The following GABRA4 variants were observed in gnomAD, a reference collection of about 807,000 sequenced individuals.
GABRA4 encodes the protein gamma-aminobutyric acid type A receptor subunit alpha4, also known as gamma-aminobutyric acid receptor subunit alpha-4.
In GABRA4, 12 loss-of-function variants were observed where a neutral mutation model predicts 49.7. The observed-to-expected ratio is 0.24, with a 90% CI of 0.15 to 0.39. The LOEUF (loss-of-function observed/expected upper bound fraction) is 0.39. GABRA4 is among the 10% of genes least tolerant of loss of function. The pLI is 1.00. For synonymous variants in GABRA4, 288 were observed against 240.2 expected (o/e 1.20, Z -1.84); for missense variants, 506 against 686.0 (o/e 0.74, Z 2.93).
Position 46,928,552 on chromosome 4 carries a change from A to G in GABRA4, c.1338T>C (p.Ser446=), listed in dbSNP as rs1336881455. The change falls in exon 9 of 9, where the codon TCT becomes TCC. Residue 446 remains serine (S), a synonymous_variant. Coordinates refer to ENST00000264318, the MANE Select transcript of GABRA4 (RefSeq NM_000809.4). ...AAGCAGATGGAAGTGCTCTTGCTGCAGATATGGTTTCAGCTGCATTTGCAC... is the reference window on the plus strand; with the variant it reads ...AAGCAGATGGAAGTGCTCTTGCTGCGGATATGGTTTCAGCTGCATTTGCAC... ...FSRANAAETI[S]AARALPSASP... is the part of the protein sequence containing the mutation. 1 of 1,613,732 alleles carries G rather than the reference A, an allele frequency of 6.2e-7. No homozygotes were observed.
intron 8 of GABRA4, among the ~76,000 whole-genome samples, chr4:46,943,959 A>G (rs1560466495): frequency 6.6e-6 from 1 of 152,042 alleles, no homozygotes; most frequent in Admixed American, 6.6e-5. Context: ...AGAATGGTGG[A>G]TACCAGTGGT....
Position 46,933,759 on chromosome 4 carries a change from T to C in GABRA4, c.1135-5004A>G, listed in dbSNP as rs116310784. On this transcript the variant is annotated intron_variant, in intron 8 of 8. Coordinates refer to ENST00000264318, the MANE Select transcript of GABRA4 (RefSeq NM_000809.4). ...TGTAGAGACTTCAGTGGTTCTATCA[T>C]GATTTAGCTGATGCACAGTGGTTTC... 1.8e-3 allele frequency among the ~76,000 whole-genome samples: 268 copies of C among 152,294 alleles called. 3 individuals are homozygous for C. Among genetic ancestry groups the C allele is most frequent in the African/African-American group, 6.1e-3 (255 of 41,562 alleles).
rs2109931294 is a variant in GABRA4, at chr4:46,925,606, A to C, written c.*2619T>G. On this transcript the variant is annotated 3_prime_UTR_variant, in exon 9 of 9. Coordinates refer to ENST00000264318, the MANE Select transcript of GABRA4 (RefSeq NM_000809.4). ...GGAAAAGTGACTGGCTCTTTGCAAA[A>C]GTGTTTTTACTTGATGTACCTCTGG... 6.6e-6 allele frequency: 1 copy of C among 151,684 alleles called. No individual in the cohort carries two copies. The highest frequency in any genetic ancestry group is 2.4e-5 in the African/African-American group (1 of 41,460). The allele number at this position is 151,684 out of a possible 1,614,324, so 9.4% of individuals were successfully genotyped here. A position where few individuals can be genotyped will look rare whatever the true frequency, so the allele number is the denominator to read the frequency against.
In GABRA4 at chr4:46,992,955, G is replaced by T. The variant is rs571248859; in HGVS notation, c.87-9C>A. 2 of 1,301,042 alleles carry T rather than the reference G, an allele frequency of 1.5e-6. No homozygotes were observed. Among genetic ancestry groups the T allele is most frequent in the Non-Finnish European group, 2.2e-6 (2 of 924,974 alleles). The allele number at this position is 1,301,042 out of a possible 1,614,324, so 80.6% of individuals were successfully genotyped here. A position where few individuals can be genotyped will look rare whatever the true frequency, so the allele number is the denominator to read the frequency against. On this transcript the variant is annotated splice_polypyrimidine_tract_variant and intron_variant, in intron 1 of 8. Transcript: ENST00000264318. ...CTGGGGATTCGTTTAAACTGCAAGC[G>T]AAAAAAAAAAAACCGGGGGCGGAGG...
intron 8 of GABRA4, among the ~76,000 whole-genome samples, chr4:46,959,631 TG>T (rs374659224): frequency 7.3e-5 from 11 of 151,674 alleles, no homozygotes; most frequent in African/African-American, 2.7e-4. Context: ...AGGGAGCCCA[TG>T]GAAGATTATC....
At chr4:46,975,875 G>A (rs1723124784) in intron 5 of GABRA4, among the ~76,000 whole-genome samples, 1 of 151,838 alleles carries the variant, frequency 6.6e-6, no homozygotes, top group Non-Finnish European at 1.5e-5. Flanking sequence ...TTAAATTATT[G>A]GTAAGAGAAC....
chr4:46,980,557 G>A (rs891172695), intron 2 of GABRA4, among the ~76,000 whole-genome samples: 16 of 152,054 alleles, frequency 1.1e-4, no homozygotes, highest in African/African-American at 3.9e-4. Flanking sequence ...AAGAAAAATA[G>A]AGCCTTAGGC....
chr4:46,975,658 C>A (rs1351313249), intron 5 of GABRA4, among the ~76,000 whole-genome samples: 2 of 151,880 alleles, frequency 1.3e-5, no homozygotes, highest in Non-Finnish European at 2.9e-5. Context: ...TTTATACAAA[C>A]CCTGATTGAA....
At chr4:46,989,393 G>A (rs1723661054) in intron 2 of GABRA4, among the ~76,000 whole-genome samples, 2 of 152,146 alleles carry the variant, frequency 1.3e-5, no homozygotes, top group Non-Finnish European at 2.9e-5. Flanking sequence ...CAGGATGATA[G>A]CAACTGATTT....
rs1395687116 is a variant in GABRA4 at position 46,922,830 on chromosome 4, G to A, written c.*5395C>T. The A allele has an allele frequency of 2.0e-5, 3 of 152,144 alleles. No homozygotes were observed. The highest frequency in any genetic ancestry group is 2.1e-4 in the South Asian group (1 of 4,826). 9.4% of individuals were successfully genotyped at this position (152,144 alleles called of 1,614,324 possible). ...TTAAAGATACCAAAGTAGTTACAAAGAATACTGTAAATAGTTACAGAGCAG... is the reference window on the plus strand; with the variant it reads ...TTAAAGATACCAAAGTAGTTACAAAAAATACTGTAAATAGTTACAGAGCAG... On this transcript the variant is annotated 3_prime_UTR_variant, in exon 9 of 9. Coordinates refer to ENST00000264318, the MANE Select transcript of GABRA4 (RefSeq NM_000809.4).
At chr4:46,934,896 C>T (rs1721556968) in intron 8 of GABRA4, among the ~76,000 whole-genome samples, 1 of 152,148 alleles carries the variant, frequency 6.6e-6, no homozygotes, top group African/African-American at 2.4e-5. Flanking sequence ...TGTTCAAATG[C>T]TACCTGAAAT....
At chr4:46,950,765 A>G (rs1384546948) in intron 8 of GABRA4, among the ~76,000 whole-genome samples, 1 of 137,412 alleles carries the variant, frequency 7.3e-6, no homozygotes, top group Non-Finnish European at 1.6e-5. Context: ...ATGCTTGTCC[A>G]GCTCTTGCTT....
At chr4:46,953,939 C>A (rs772513376) in intron 8 of GABRA4, among the ~76,000 whole-genome samples, 2 of 152,000 alleles carry the variant, frequency 1.3e-5, no homozygotes, top group African/African-American at 2.4e-5. Context: ...ATCTAGACCC[C>A]CAAGTTTAAA....
At chr4:46,932,791 C>G (rs542869954) in intron 8 of GABRA4, among the ~76,000 whole-genome samples, 1 of 152,036 alleles carries the variant, frequency 6.6e-6, no homozygotes, top group Admixed American at 6.6e-5. Flanking sequence ...ATTGCCTATA[C>G]GTAGCCATTC....
At chr4:46,978,892 C>A in intron 3 of GABRA4, 139 bp downstream of exon 3, 1 of 676,246 alleles carries the variant, frequency 1.5e-6, no homozygotes, top group South Asian at 1.7e-5. Flanking sequence ...TCTTACTCTT[C>A]ATACATTCTT....
rs377752645 is a variant in GABRA4 at position 46,944,271 on chromosome 4, C to T, written c.1135-15516G>A. Among the ~76,000 whole-genome samples, 45 of 152,176 alleles carry T rather than the reference C, an allele frequency of 3.0e-4. No homozygotes were observed. The South Asian group carries it at 9.1e-3, about 31-fold the overall frequency. On this transcript the variant is annotated intron_variant, in intron 8 of 8. Coordinates refer to ENST00000264318, the MANE Select transcript of GABRA4 (RefSeq NM_000809.4). ...ATATATACATTTTCAATGTAAATAACACTGCTAAGTGAACCTAATCAACAA... is the reference window on the plus strand; with the variant it reads ...ATATATACATTTTCAATGTAAATAATACTGCTAAGTGAACCTAATCAACAA...
Position 46,965,183 on chromosome 4 carries a change from T to C in GABRA4, c.921A>G (p.Arg307=), listed in dbSNP as rs776098326. The change falls in exon 8 of 9, where the codon CGA becomes CGG. Residue 307 remains arginine (R), a synonymous_variant. Coordinates refer to ENST00000264318, the MANE Select transcript of GABRA4 (RefSeq NM_000809.4). ...LTMTTLSISA[R]HSLPKVSYAT... is the part of the protein sequence containing the mutation. Reference sequence around the variant, plus strand: ...CATAGGACACTTTGGGCAAAGAATGTCGTGCACTGATGCTTAGTGTGGTCA... The same window carrying C: ...CATAGGACACTTTGGGCAAAGAATGCCGTGCACTGATGCTTAGTGTGGTCA... The C allele has an allele frequency of 2.5e-6, 4 of 1,604,032 alleles. No individual in the cohort carries two copies. The highest frequency in any genetic ancestry group is 3.4e-6 in the Non-Finnish European group (4 of 1,174,082).
intron 8 of GABRA4, among the ~76,000 whole-genome samples, chr4:46,929,211 T>C (rs1350387752): frequency 2.6e-5 from 4 of 151,916 alleles, no homozygotes; most frequent in African/African-American, 9.7e-5. Context: ...ACACAGAATA[T>C]CAACAATAAC....
intron 7 of GABRA4, among the ~76,000 whole-genome samples, chr4:46,966,238 A>G (rs755178711): frequency 3.3e-5 from 5 of 151,764 alleles, no homozygotes; most frequent in South Asian, 2.1e-4. Flanking sequence ...CTGATTCTAT[A>G]TAATGACTAG....
Sources: allele counts gnomAD v4.1 joint callset (sites outside exome capture counted in the v4.1 genomes callset), GRCh38; gene constraint gnomAD v4.1.1; transcripts MANE v1.5; gene names NCBI Gene and HGNC (gene_info 2026-07-23, HGNC 2026-07-21).